Variants in CNTLN observed in about 807,000 individuals in gnomAD.
The protein encoded by CNTLN is centlein.
CNTLN carries 212 observed loss-of-function variants against 180.0 expected under a neutral mutation model. The ratio of observed to expected loss-of-function variants is 1.18; its 90% CI spans 1.05 to 1.32. CNTLN has a LOEUF of 1.32. Among genes scored for constraint, CNTLN ranks in the 40% most tolerant of loss-of-function variants. CNTLN has a pLI of 0.00. For missense variants in CNTLN, 2,095 were observed against 1,610.9 expected (o/e 1.30, Z -5.14); for synonymous variants, 722 against 563.1 (o/e 1.28, Z -3.99).
intron 5 of CNTLN, among the ~76,000 whole-genome samples, chr9:17,269,639 A>G (rs936205414): frequency 2.6e-5 from 4 of 152,158 alleles, no homozygotes; most frequent in African/African-American, 9.6e-5. Flanking sequence ...AATACTTTAT[A>G]TAATTTTAGT....
chr9:17,291,517 A>G lies in CNTLN; in HGVS notation c.984-6673A>G, dbSNP rs532020143. Among the ~76,000 whole-genome samples, 3 of 152,336 alleles carry G rather than the reference A, an allele frequency of 2.0e-5. No individual in the cohort carries two copies. The South Asian group carries it at 6.2e-4, about 32-fold the overall frequency. On this transcript the variant is annotated intron_variant, in intron 6 of 25. Transcript: ENST00000380647. ...TGTTAGGTGCATATATATTTAGGAT[A>G]GTTAGCAGTTCACATTGAATTGAAC...
chr9:17,371,292 C>G (rs1824295971), intron 13 of CNTLN, among the ~76,000 whole-genome samples: 1 of 152,028 alleles, frequency 6.6e-6, no homozygotes, highest in African/African-American at 2.4e-5. Context: ...ATACTCCATG[C>G]CAGTACAAAC....
At position 17,199,864 on chromosome 9, in the gene CNTLN, T is replaced by C. The variant is rs143921605; in HGVS notation, c.450-26339T>C. Among the ~76,000 whole-genome samples, 23 of 152,364 alleles carry C rather than the reference T, an allele frequency of 1.5e-4. No homozygotes were observed. In the East Asian group the frequency reaches 3.1e-3, roughly 20 times the overall value. Reference sequence around the variant, plus strand: ...TTAATTAGATCCCATTTGTCAATTTTGACTTTTGTTGCAATTGCTTTTGGT... The same window carrying C: ...TTAATTAGATCCCATTTGTCAATTTCGACTTTTGTTGCAATTGCTTTTGGT... On this transcript the variant is annotated intron_variant, in intron 2 of 25. Transcript: ENST00000380647.
rs549640851 is a variant in CNTLN at position 17,172,355 on chromosome 9, C to T, written c.449+28979C>T. ...CTGCTGTGTAGCTGATACTGATTTT[C>T]CTACACTTCTTCTTTGTTCCTAGTT... On this transcript the variant is annotated intron_variant, in intron 2 of 25. Transcript: ENST00000380647. Among the ~76,000 whole-genome samples the T allele has an allele frequency of 2.0e-5, 3 of 152,178 alleles. No homozygotes were observed. The South Asian group carries it at 6.2e-4, about 32-fold the overall frequency.
At chr9:17,191,136 C>A (rs1197125484) in intron 2 of CNTLN, among the ~76,000 whole-genome samples, 2 of 152,156 alleles carry the variant, frequency 1.3e-5, no homozygotes, top group Non-Finnish European at 1.5e-5. Context: ...TCTTAAACAG[C>A]CATAACTATT....
At position 17,359,449 on chromosome 9, in the gene CNTLN, A is replaced by G. The variant is rs916540660; in HGVS notation, c.1887-7168A>G. On this transcript the variant is annotated intron_variant, in intron 12 of 25. Transcript: ENST00000380647. ...CGAATTAAAAGGCTACTTTCTGAGT[A>G]TGAAAAGATATTTTCAGTATATATG... Among the ~76,000 whole-genome samples, 38 of 152,204 alleles carry G rather than the reference A, an allele frequency of 2.5e-4. 1 individual carries two copies. Among genetic ancestry groups the G allele is most frequent in the African/African-American group, 8.9e-4 (37 of 41,548 alleles).
intron 12 of CNTLN, among the ~76,000 whole-genome samples, chr9:17,352,462 A>G (rs1483532707): frequency 6.8e-6 from 1 of 146,364 alleles, no homozygotes; most frequent in African/African-American, 2.5e-5. Context: ...TAGGAACTGC[A>G]TTTTTCTGAG....
chr9:17,345,117 G>A (rs1821778722), intron 12 of CNTLN, among the ~76,000 whole-genome samples: 1 of 152,046 alleles, frequency 6.6e-6, no homozygotes, highest in South Asian at 2.1e-4. Flanking sequence ...TCCATCTATT[G>A]AAGAACATTT....
At chr9:17,425,153 A>T (rs115888700) in intron 18 of CNTLN, among the ~76,000 whole-genome samples, 2,079 of 152,272 alleles carry the variant, frequency 0.014, 47 homozygotes, top group African/African-American at 0.048. Context: ...TTAAATAACA[A>T]AATTGGTTTC....
chr9:17,522,361 A>C, the CNTLN span, among the ~76,000 whole-genome samples: 1 of 152,316 alleles, frequency 6.6e-6, no homozygotes, highest in South Asian at 2.1e-4. Flanking sequence ...AAGGAGGCTC[A>C]GCCGCTAACT....
intron 2 of CNTLN, among the ~76,000 whole-genome samples, chr9:17,201,460 G>C (rs929485005): frequency 6.6e-5 from 10 of 152,144 alleles, no homozygotes; most frequent in African/African-American, 1.7e-4. Flanking sequence ...AATCCGTCTG[G>C]ACCTGGGCTT....
At chr9:17,147,977 C>G (rs1198283207) in intron 2 of CNTLN, among the ~76,000 whole-genome samples, 2 of 152,150 alleles carry the variant, frequency 1.3e-5, no homozygotes, top group African/African-American at 2.4e-5. Flanking sequence ...AATTATACTA[C>G]TATACTTCAT....
intron 14 of CNTLN, among the ~76,000 whole-genome samples, chr9:17,389,919 G>T (rs1390628682): frequency 6.6e-6 from 1 of 152,092 alleles, no homozygotes; most frequent in Non-Finnish European, 1.5e-5. Context: ...CTATTAGGGT[G>T]AGCCCTAATT....
the CNTLN span, among the ~76,000 whole-genome samples, chr9:17,509,671 T>C: frequency 1.3e-5 from 2 of 152,260 alleles, no homozygotes; most frequent in African/African-American, 4.8e-5. Flanking sequence ...CAGTGTCTAA[T>C]ATATGGTGCC....
intron 24 of CNTLN, among the ~76,000 whole-genome samples, chr9:17,486,211 C>T (rs911708832): frequency 1.3e-5 from 2 of 152,148 alleles, no homozygotes; most frequent in Non-Finnish European, 2.9e-5. Flanking sequence ...ATGTTCTTTA[C>T]ACTATATCGA....
At chr9:17,240,074 T>G (rs978570118) in intron 5 of CNTLN, among the ~76,000 whole-genome samples, 2 of 152,108 alleles carry the variant, frequency 1.3e-5, no homozygotes, top group South Asian at 2.1e-4. Context: ...TCAATAATAT[T>G]AAGAATCTTC....
chr9:17,140,738 C>T (rs1017683174), intron 1 of CNTLN, among the ~76,000 whole-genome samples: 1 of 152,080 alleles, frequency 6.6e-6, no homozygotes, highest in African/African-American at 2.4e-5. Context: ...TGTGCTCGCC[C>T]TAATGGTTAT....
intron 2 of CNTLN, among the ~76,000 whole-genome samples, chr9:17,208,812 CT>C: frequency 6.6e-6 from 1 of 152,178 alleles, no homozygotes; most frequent in East Asian, 1.9e-4. Context: ...GTAATGTCTC[CT>C]TTTTCATCTT....
intron 13 of CNTLN, among the ~76,000 whole-genome samples, chr9:17,385,423 A>T (rs1304201577): frequency 6.6e-6 from 1 of 152,146 alleles, no homozygotes; most frequent in Non-Finnish European, 1.5e-5. Context: ...GCCAGTCCTC[A>T]TCTTGAACCT....
Sources: allele counts gnomAD v4.1 joint callset (sites outside exome capture counted in the v4.1 genomes callset), GRCh38; gene constraint gnomAD v4.1.1; transcripts MANE v1.5; gene names NCBI Gene and HGNC (gene_info 2026-07-23, HGNC 2026-07-21).